ETV7: variants seen among roughly 807,000 people sequenced by gnomAD.
ETV7 encodes the protein ETS variant transcription factor 7.
In ETV7, 43 loss-of-function variants were observed where a neutral mutation model predicts 39.1. That is an observed-to-expected ratio of 1.10 (90% CI 0.86 to 1.42). The LOEUF (loss-of-function observed/expected upper bound fraction) is 1.42. ETV7 is among the 40% of genes most tolerant of loss of function. The pLI, the probability that ETV7 is intolerant of heterozygous loss-of-function variation, is 0.00. For missense variants in ETV7, 432 were observed against 442.3 expected (o/e 0.98, Z 0.21); for synonymous variants, 196 against 176.6 (o/e 1.11, Z -0.87).
intron 7 of ETV7, among the ~76,000 whole-genome samples, chr6:36,361,086 A>G (rs904576939): frequency 6.6e-6 from 1 of 152,178 alleles, no homozygotes; most frequent in Non-Finnish European, 1.5e-5. Context: ...TATATGAGCA[A>G]TTAACTCAAA....
intron 1 of ETV7, among the ~76,000 whole-genome samples, chr6:36,386,458 G>A (rs1049903776): frequency 2.0e-5 from 3 of 152,200 alleles, no homozygotes; most frequent in Non-Finnish European, 2.9e-5. Flanking sequence ...GAGATGACGG[G>A]GTTCATCCAT....
At chr6:36,383,439 C>T (rs543332707) in intron 2 of ETV7, among the ~76,000 whole-genome samples, 43 of 152,278 alleles carry the variant, frequency 2.8e-4, no homozygotes, top group Admixed American at 1.1e-3. Flanking sequence ...AAATAACTTC[C>T]GTGCTCCTCT....
intron 5 of ETV7, 152 bp from the exon 6 acceptor site, chr6:36,369,223 A>C: frequency 1.3e-6 from 1 of 794,584 alleles, no homozygotes; most frequent in Non-Finnish European, 2.0e-6. Flanking sequence ...ACAGCCACTA[A>C]TGGGGCTCCT....
chr6:36,369,803 G>A (rs1414681873), intron 5 of ETV7, among the ~76,000 whole-genome samples: 1 of 152,144 alleles, frequency 6.6e-6, no homozygotes, highest in African/African-American at 2.4e-5. Context: ...AATTGCAAGA[G>A]GCTGAAGTGG....
chr6:36,368,907 C>T lies in ETV7; in HGVS notation c.807+22G>A, dbSNP rs768060310. Reference sequence around the variant, plus strand: ...TGTCCCCTTCTGGTTATGTTGAGACCATTCTGCTGGCCGAGGCTCACCTTG... The same window carrying T: ...TGTCCCCTTCTGGTTATGTTGAGACTATTCTGCTGGCCGAGGCTCACCTTG... On this transcript the variant is annotated intron_variant, in intron 6 of 7. Coordinates refer to ENST00000340181, the MANE Select transcript of ETV7 (RefSeq NM_016135.4). 7 of 1,613,982 alleles carry T rather than the reference C, an allele frequency of 4.3e-6. No homozygotes were observed. The African/African-American group carries it at 6.7e-5, about 15-fold the overall frequency.
intron 2 of ETV7, among the ~76,000 whole-genome samples, chr6:36,379,363 T>C (rs1279260664): frequency 1.3e-5 from 2 of 152,000 alleles, no homozygotes; most frequent in Non-Finnish European, 2.9e-5. Flanking sequence ...GACAACATAG[T>C]TAGACCCTTG....
rs34940984 is a variant in ETV7, at chr6:36,378,240, GA to G, written c.143-2206del. ...GGGAAAGGATAGTTAATCTAATATG[GA>G]AAAAAAAAAAAAAAACCTGACTCTC... On this transcript the variant is annotated intron_variant, in intron 2 of 7. Transcript: ENST00000340181. Among the ~76,000 whole-genome samples, 44 of 140,344 alleles carry G rather than the reference GA, an allele frequency of 3.1e-4. No homozygotes were observed. In the South Asian group the frequency reaches 5.6e-3, roughly 18 times the overall value. The allele number at this position is 140,344 out of a possible 152,430, so 92.1% of individuals were successfully genotyped here.
chr6:36,387,639 G>A lies in ETV7; in HGVS notation c.-98C>T, dbSNP rs936723927. On this transcript the variant is annotated 5_prime_UTR_variant, in exon 1 of 8. Coordinates refer to ENST00000340181, the MANE Select transcript of ETV7 (RefSeq NM_016135.4). ...GGCCCGCGCCCCGCAGTCCTCCTCC[G>A]CCAAACCCCTAACCTGGCTCCGAGA... 7.3e-7 allele frequency: 1 copy of A among 1,373,328 alleles called. No homozygotes were observed. The allele number at this position is 1,373,328 out of a possible 1,614,324, so 85.1% of individuals were successfully genotyped here.
downstream of ETV7, among the ~76,000 whole-genome samples, chr6:36,364,463 C>T (rs546564644): frequency 9.4e-4 from 143 of 152,360 alleles, 1 homozygote; most frequent in East Asian, 0.021. Context: ...CCTCCGCAGC[C>T]GCTGGCCCGG....
downstream of ETV7, among the ~76,000 whole-genome samples, chr6:36,365,509 C>T (rs1217865181): frequency 6.6e-6 from 1 of 152,170 alleles, no homozygotes; most frequent in Non-Finnish European, 1.5e-5. Flanking sequence ...GGCGGAACAC[C>T]TTGCCCAAAG....
downstream of ETV7, among the ~76,000 whole-genome samples, chr6:36,363,365 G>C (rs76241301): frequency 4.1e-5 from 6 of 147,748 alleles, no homozygotes; most frequent in African/African-American, 1.6e-4. Flanking sequence ...CGCGTCTGGA[G>C]TCGTTCGTTC....
chr6:36,362,719 G>A (rs1048837912), downstream of ETV7, among the ~76,000 whole-genome samples: 4 of 152,218 alleles, frequency 2.6e-5, no homozygotes, highest in Non-Finnish European at 4.4e-5. Context: ...TCAGGGCTGA[G>A]TGCAGAGTTC....
chr6:36,367,946 T>G (rs1772812699), intron 6 of ETV7, among the ~76,000 whole-genome samples: 1 of 152,192 alleles, frequency 6.6e-6, no homozygotes, highest in Admixed American at 6.5e-5. Context: ...ATATGCTCAT[T>G]AAATGGGACT....
chr6:36,380,351 C>T (rs968970096), intron 2 of ETV7, among the ~76,000 whole-genome samples: 1 of 152,194 alleles, frequency 6.6e-6, no homozygotes, highest in East Asian at 1.9e-4. Flanking sequence ...TCCCATTAAC[C>T]ATCTTTGTCT....
intron 2 of ETV7, among the ~76,000 whole-genome samples, chr6:36,381,596 CT>C (rs1273420616): frequency 6.6e-6 from 1 of 152,148 alleles, no homozygotes; most frequent in Non-Finnish European, 1.5e-5. Flanking sequence ...TTATCATGTC[CT>C]TAGTTTATTG....
intron 2 of ETV7, among the ~76,000 whole-genome samples, chr6:36,379,719 T>TA (rs1418548064): frequency 6.6e-6 from 1 of 150,874 alleles, no homozygotes; most frequent in Non-Finnish European, 1.5e-5. Context: ...CTACTAAAAA[T>TA]AAAAAAATTA....
chr6:36,379,549 TAA>T lies in ETV7; in HGVS notation c.143-3516_143-3515del, dbSNP rs1217373362. ...GGCAACAGAGTGGGACCCTGTCTCT[TAA>T]AAAAAAAAAAAGAAGAAGAAGAAGA... On this transcript the variant is annotated intron_variant, in intron 2 of 7. Coordinates refer to ENST00000340181, the MANE Select transcript of ETV7 (RefSeq NM_016135.4). Among the ~76,000 whole-genome samples, 111 of 114,510 alleles carry T rather than the reference TAA, an allele frequency of 9.7e-4. 3 individuals are homozygous for T. In the East Asian group the frequency reaches 0.026, roughly 27 times the overall value. The allele number at this position is 114,510 out of a possible 152,430, so 75.1% of individuals were successfully genotyped here. A position where few individuals can be genotyped will look rare whatever the true frequency, so the allele number is the denominator to read the frequency against.
chr6:36,387,607 G>A lies in ETV7; in HGVS notation c.-66C>T. Reference sequence around the variant, plus strand: ...GCGCTCCCCTGGCTGTGGCTGCTGGGGCCCTAGGCCCGCGCCCCGCAGTCC... The same window carrying A: ...GCGCTCCCCTGGCTGTGGCTGCTGGAGCCCTAGGCCCGCGCCCCGCAGTCC... On this transcript the variant is annotated 5_prime_UTR_variant, in exon 1 of 8. Transcript: ENST00000340181. 6.3e-7 allele frequency: 1 copy of A among 1,589,520 alleles called. No homozygotes were observed.
chr6:36,363,391 T>C (rs370195649), downstream of ETV7, among the ~76,000 whole-genome samples: 1 of 149,326 alleles, frequency 6.7e-6, no homozygotes, highest in Non-Finnish European at 1.5e-5. Flanking sequence ...CGTGGGCTCA[T>C]GGGCTCGCTG....
Sources: allele counts gnomAD v4.1 joint callset (sites outside exome capture counted in the v4.1 genomes callset), GRCh38; gene constraint gnomAD v4.1.1; transcripts MANE v1.5; gene names NCBI Gene and HGNC (gene_info 2026-07-23, HGNC 2026-07-21).